Variants in AMBRA1 observed in about 807,000 individuals in gnomAD.
AMBRA1 encodes activating molecule in BECN1-regulated autophagy protein 1.
In AMBRA1, 47 loss-of-function variants were observed where a neutral mutation model predicts 125.4. That is an observed-to-expected ratio of 0.37 (90% CI 0.30 to 0.48). AMBRA1 has a LOEUF of 0.48. Among genes scored for constraint, AMBRA1 ranks in the 20% least tolerant of loss-of-function variants. The pLI is 0.99. For missense variants in AMBRA1, 1,331 were observed against 1,693.4 expected (o/e 0.79, Z 3.76); for synonymous variants, 626 against 655.5 (o/e 0.95, Z 0.69).
intron 9 of AMBRA1, among the ~76,000 whole-genome samples, chr11:46,499,576 T>G (rs1168232507): frequency 6.6e-6 from 1 of 152,220 alleles, no homozygotes; most frequent in Non-Finnish European, 1.5e-5. Context: ...CCATATAGCC[T>G]ATTCTTAATC....
At chr11:46,475,810 CG>C (rs1443262516) in intron 11 of AMBRA1, among the ~76,000 whole-genome samples, 1 of 152,076 alleles carries the variant, frequency 6.6e-6, no homozygotes, top group African/African-American at 2.4e-5. Flanking sequence ...GTCTCAGATT[CG>C]GAGAAAGGTG....
intron 9 of AMBRA1, among the ~76,000 whole-genome samples, chr11:46,506,519 A>C (rs1951040376): frequency 6.6e-6 from 1 of 152,190 alleles, no homozygotes; most frequent in Non-Finnish European, 1.5e-5. Flanking sequence ...TTGCAAGATG[A>C]CTTGTGAGGA....
At chr11:46,534,411 C>T (rs1209499158) in intron 7 of AMBRA1, among the ~76,000 whole-genome samples, 1 of 152,078 alleles carries the variant, frequency 6.6e-6, no homozygotes, top group African/African-American at 2.4e-5. Flanking sequence ...AAAAGAATCA[C>T]TTGAACCCGG....
intron 12 of AMBRA1, among the ~76,000 whole-genome samples, chr11:46,437,870 AC>A (rs1947804176): frequency 6.6e-6 from 1 of 152,194 alleles, no homozygotes; most frequent in Non-Finnish European, 1.5e-5. Flanking sequence ...TAGCTTACAC[AC>A]CATTAGAAGT....
At chr11:46,549,877 A>G (rs988135752) in intron 1 of AMBRA1, among the ~76,000 whole-genome samples, 1 of 152,118 alleles carries the variant, frequency 6.6e-6, no homozygotes, top group East Asian at 1.9e-4. Flanking sequence ...GGAGTGCAAC[A>G]GCGCAATCTC....
At chr11:46,513,780 T>C (rs1951365909) in intron 7 of AMBRA1, among the ~76,000 whole-genome samples, 1 of 152,118 alleles carries the variant, frequency 6.6e-6, no homozygotes, top group South Asian at 2.1e-4. Flanking sequence ...GTTACTAAGC[T>C]AGAATATAGG....
At chr11:46,579,552 T>C (rs1591179431) in intron 1 of AMBRA1, among the ~76,000 whole-genome samples, 1 of 152,168 alleles carries the variant, frequency 6.6e-6, no homozygotes, top group East Asian at 1.9e-4. Context: ...TCTCACCATT[T>C]TGCAAATATC....
intron 11 of AMBRA1, among the ~76,000 whole-genome samples, chr11:46,478,201 C>G (rs1949901044): frequency 6.6e-6 from 1 of 152,196 alleles, no homozygotes; most frequent in Admixed American, 6.5e-5. Flanking sequence ...CTCCCAACCA[C>G]TGCTATAAGA....
chr11:46,550,596 T>G (rs933854818), intron 1 of AMBRA1, among the ~76,000 whole-genome samples: 1 of 152,220 alleles, frequency 6.6e-6, no homozygotes, highest in African/African-American at 2.4e-5. Context: ...ATTCATTTTC[T>G]AATTCTATCA....
At chr11:46,522,217 T>C (rs1049385023) in intron 7 of AMBRA1, among the ~76,000 whole-genome samples, 1 of 152,198 alleles carries the variant, frequency 6.6e-6, no homozygotes, top group African/African-American at 2.4e-5. Context: ...TAGTTATTTT[T>C]AATACATGGG....
Position 46,507,942 on chromosome 11 carries a change from G to A in AMBRA1, c.2339+249C>T, listed in dbSNP as rs377194979. On this transcript the variant is annotated intron_variant, in intron 9 of 17. Transcript: ENST00000683756. ...GAGGAGCAACAGCCACCATCCTCTC[G>A]CAATCTGGCCTGGGGCCCAATGGGA... is the stretch of plus-strand genomic sequence containing the variant. Among the ~76,000 whole-genome samples, 12 of 152,300 alleles carry A rather than the reference G, an allele frequency of 7.9e-5. No individual in the cohort carries two copies. In the South Asian group the frequency reaches 1.9e-3, roughly 24 times the overall value.
chr11:46,552,588 G>A (rs2135207966), intron 1 of AMBRA1, among the ~76,000 whole-genome samples: 1 of 151,402 alleles, frequency 6.6e-6, no homozygotes, highest in Middle Eastern at 3.4e-3. Context: ...AGGGGGCTGA[G>A]GCGGGAGAAT....
At chr11:46,432,614 T>A (rs557590406) in intron 14 of AMBRA1, among the ~76,000 whole-genome samples, 6 of 152,194 alleles carry the variant, frequency 3.9e-5, no homozygotes, top group African/African-American at 1.2e-4. Context: ...CTGAGGGATA[T>A]CCCTCTAAGG....
At chr11:46,557,269 C>G (rs1250803726) in intron 1 of AMBRA1, among the ~76,000 whole-genome samples, 2 of 149,152 alleles carry the variant, frequency 1.3e-5, no homozygotes, top group African/African-American at 2.5e-5. Context: ...CCACTGCACT[C>G]CAGCCTGGGG....
intron 11 of AMBRA1, among the ~76,000 whole-genome samples, chr11:46,446,199 T>G (rs1948277106): frequency 6.6e-6 from 1 of 152,222 alleles, no homozygotes; most frequent in Non-Finnish European, 1.5e-5. Context: ...TCATTTTTTT[T>G]GTGTCATATA....
intron 11 of AMBRA1, among the ~76,000 whole-genome samples, chr11:46,455,880 G>A (rs2136812349): frequency 6.6e-6 from 1 of 152,240 alleles, no homozygotes; most frequent in East Asian, 1.9e-4. Flanking sequence ...TGTTTACAGG[G>A]TGGCTGGTGG....
At chr11:46,449,824 G>T (rs1423926501) in intron 11 of AMBRA1, among the ~76,000 whole-genome samples, 2 of 152,192 alleles carry the variant, frequency 1.3e-5, no homozygotes, top group Admixed American at 6.5e-5. Flanking sequence ...ACTTTGGGAG[G>T]CCAAGGCAGG....
At chr11:46,520,117 C>T (rs1222428288) in intron 7 of AMBRA1, among the ~76,000 whole-genome samples, 1 of 140,314 alleles carries the variant, frequency 7.1e-6, no homozygotes, top group Non-Finnish European at 1.5e-5. Context: ...CCAGCCTGGG[C>T]AACAAGAGTG....
At chr11:46,477,254 T>C (rs1390445036) in intron 11 of AMBRA1, among the ~76,000 whole-genome samples, 1 of 151,830 alleles carries the variant, frequency 6.6e-6, no homozygotes, top group Non-Finnish European at 1.5e-5. Context: ...CCTCTAACTC[T>C]TATCAGACAA....
Sources: allele counts gnomAD v4.1 joint callset (sites outside exome capture counted in the v4.1 genomes callset), GRCh38; gene constraint gnomAD v4.1.1; transcripts MANE v1.5; gene names NCBI Gene and HGNC (gene_info 2026-07-23, HGNC 2026-07-21).